Variants in UST observed in about 807,000 individuals in gnomAD.
UST encodes uronyl 2-sulfotransferase, also known as chondroitin sulfate 2-O-sulfotransferase.
In UST, 21 loss-of-function variants were observed where a neutral mutation model predicts 45.6. The ratio of observed to expected loss-of-function variants is 0.46; its 90% CI spans 0.33 to 0.66. The LOEUF is 0.66. Ranked by LOEUF, UST falls within the 30% of genes least tolerant of loss-of-function variation. The pLI, the probability that UST is intolerant of heterozygous loss-of-function variation, is 0.02. For missense variants in UST, 463 were observed against 512.4 expected (o/e 0.90, Z 0.93); for synonymous variants, 215 against 200.6 (o/e 1.07, Z -0.61).
chr6:149,076,876 CT>C lies in UST; in HGVS notation c.*2773del, dbSNP rs36118825. On this transcript the variant is annotated 3_prime_UTR_variant, in exon 8 of 8. Transcript: ENST00000367463. Reference sequence around the variant, plus strand: ...GAGTGCCGTAAAAGTGCTTGTAAATCTTTTTTTTTTTTTAAGAAGAAAGAAA... The same window carrying C: ...GAGTGCCGTAAAAGTGCTTGTAAATCTTTTTTTTTTTTAAGAAGAAAGAAA... 0.012 allele frequency: 1,680 copies of C among 136,778 alleles called. 10 individuals are homozygous for C. Among genetic ancestry groups the C allele is most frequent in the African/African-American group, 0.023 (864 of 37,270 alleles). 8.5% of individuals were successfully genotyped at this position (136,778 alleles called of 1,614,324 possible).
intron 1 of UST, among the ~76,000 whole-genome samples, chr6:148,856,115 C>T (rs905450205): frequency 1.3e-5 from 2 of 152,142 alleles, no homozygotes; most frequent in African/African-American, 4.8e-5. Flanking sequence ...CTCCTGGGTT[C>T]AAGCGATTCT....
chr6:148,816,944 G>A (rs146632294), intron 1 of UST, among the ~76,000 whole-genome samples: 8 of 152,198 alleles, frequency 5.3e-5, no homozygotes, highest in African/African-American at 1.7e-4. Flanking sequence ...TGAAGTCATG[G>A]CCCTTAAGGT....
chr6:148,775,280 A>G (rs1562563953), intron 1 of UST, among the ~76,000 whole-genome samples: 2 of 152,078 alleles, frequency 1.3e-5, no homozygotes, highest in South Asian at 2.1e-4. Flanking sequence ...AGAATAAAAC[A>G]TTGTCAGTTA....
At chr6:148,806,369 T>C (rs1285012085) in intron 1 of UST, among the ~76,000 whole-genome samples, 1 of 152,190 alleles carries the variant, frequency 6.6e-6, no homozygotes, top group African/African-American at 2.4e-5. Flanking sequence ...GACAGAGTCT[T>C]GCTCTGTCAC....
chr6:148,867,121 C>T (rs1272596504), intron 1 of UST, among the ~76,000 whole-genome samples: 1 of 152,152 alleles, frequency 6.6e-6, no homozygotes, highest in Non-Finnish European at 1.5e-5. Flanking sequence ...TACCACTGCA[C>T]TGGGCATAAA....
At chr6:148,850,819 C>A (rs866000446) in intron 1 of UST, among the ~76,000 whole-genome samples, 2 of 152,202 alleles carry the variant, frequency 1.3e-5, no homozygotes, top group African/African-American at 4.8e-5. Flanking sequence ...CTATGATTCC[C>A]GTTGTCCCAC....
chr6:148,917,679 C>T (rs545280837), intron 2 of UST, among the ~76,000 whole-genome samples: 10 of 152,288 alleles, frequency 6.6e-5, no homozygotes, highest in East Asian at 1.9e-4. Context: ...TGTGCTCAAA[C>T]GCAAGGTGCT....
At chr6:148,794,221 C>T (rs1356536234) in intron 1 of UST, among the ~76,000 whole-genome samples, 1 of 152,182 alleles carries the variant, frequency 6.6e-6, no homozygotes, top group South Asian at 2.1e-4. Flanking sequence ...TTCTAGAAAA[C>T]TCTTGAGTCA....
chr6:148,923,019 T>G (rs1021026074), intron 2 of UST, among the ~76,000 whole-genome samples: 4 of 151,992 alleles, frequency 2.6e-5, no homozygotes, highest in African/African-American at 4.8e-5. Context: ...TCTCAAACTC[T>G]TGGCCTGGCC....
chr6:148,827,267 G>T (rs6936774), intron 1 of UST, among the ~76,000 whole-genome samples: 2,065 of 152,244 alleles, frequency 0.014, 45 homozygotes, highest in African/African-American at 0.047. Flanking sequence ...AGATTCTGAA[G>T]TTTTAAAATT....
chr6:148,827,763 T>C (rs1014927141), intron 1 of UST, among the ~76,000 whole-genome samples: 22 of 150,286 alleles, frequency 1.5e-4, no homozygotes, highest in African/African-American at 4.6e-4. Flanking sequence ...AAAACACTAA[T>C]TGTGAATTAG....
intron 5 of UST, among the ~76,000 whole-genome samples, chr6:148,992,622 TG>T (rs1392608751): frequency 6.6e-6 from 1 of 152,130 alleles, no homozygotes; most frequent in Non-Finnish European, 1.5e-5. Context: ...AAAACTTGGT[TG>T]TGGTTGTAGT....
At chr6:149,006,696 A>G (rs1272138228) in intron 5 of UST, among the ~76,000 whole-genome samples, 4 of 152,322 alleles carry the variant, frequency 2.6e-5, no homozygotes, top group East Asian at 3.9e-4. Context: ...TGGTTGAACT[A>G]ATTTACATTC....
At chr6:149,003,727 T>C (rs983989628) in intron 5 of UST, among the ~76,000 whole-genome samples, 1 of 152,182 alleles carries the variant, frequency 6.6e-6, no homozygotes, top group Non-Finnish European at 1.5e-5. Context: ...CCTGGCAAAA[T>C]TCTGCGTATT....
intron 1 of UST, 43 bp downstream of exon 1, chr6:148,747,720 A>G (rs565445110): frequency 1.3e-6 from 2 of 1,532,142 alleles, no homozygotes; most frequent in South Asian, 2.5e-5. Flanking sequence ...CGACAGCGCA[A>G]AGTTGTGCGG....
chr6:148,999,055 G>A (rs1473354907), intron 5 of UST, among the ~76,000 whole-genome samples: 3 of 152,268 alleles, frequency 2.0e-5, no homozygotes, highest in Admixed American at 6.5e-5. Flanking sequence ...TTTTCCAGCA[G>A]GGAGTAGTTT....
intron 1 of UST, among the ~76,000 whole-genome samples, chr6:148,865,224 T>C (rs1778402345): frequency 6.6e-6 from 1 of 152,202 alleles, no homozygotes; most frequent in Non-Finnish European, 1.5e-5. Context: ...AAGCCCTCTT[T>C]CCTGGCGTGT....
chr6:149,001,462 C>CTGAAGATA (rs2115003538), intron 5 of UST, among the ~76,000 whole-genome samples: 1 of 152,238 alleles, frequency 6.6e-6, no homozygotes, highest in African/African-American at 2.4e-5. Flanking sequence ...TAGAGTGAAA[C>CTGAAGATA]TGAAGATATC....
chr6:148,772,980 T>C lies in UST; in HGVS notation c.247+25303T>C, dbSNP rs144049417. Among the ~76,000 whole-genome samples, 47 of 152,342 alleles carry C rather than the reference T, an allele frequency of 3.1e-4. No homozygotes were observed. The East Asian group carries it at 8.7e-3, about 28-fold the overall frequency. Reference sequence around the variant, plus strand: ...CCTCTTTTTCCAATTCAGCAAACTTTTGCAAGTCTTGACATATTCTTATTC... The same window carrying C: ...CCTCTTTTTCCAATTCAGCAAACTTCTGCAAGTCTTGACATATTCTTATTC... On this transcript the variant is annotated intron_variant, in intron 1 of 7. Coordinates refer to ENST00000367463, the MANE Select transcript of UST (RefSeq NM_005715.3).
Sources: allele counts gnomAD v4.1 joint callset (sites outside exome capture counted in the v4.1 genomes callset), GRCh38; gene constraint gnomAD v4.1.1; transcripts MANE v1.5; gene names NCBI Gene and HGNC (gene_info 2026-07-23, HGNC 2026-07-21).